Variants in MEIOSIN observed in about 807,000 individuals in gnomAD.
MEIOSIN encodes the protein meiosis initiator protein.
Under a neutral mutation model 23.4 loss-of-function variants are expected in MEIOSIN, and 18 were observed. The ratio of observed to expected loss-of-function variants is 0.77; its 90% CI spans 0.53 to 1.14. The LOEUF (loss-of-function observed/expected upper bound fraction) is 1.14, where lower values mean the gene tolerates loss of function less well. Ranked by LOEUF, MEIOSIN falls within the 50% of genes most tolerant of loss-of-function variation. The pLI, the probability that MEIOSIN is intolerant of heterozygous loss-of-function variation, is 0.00. For synonymous variants in MEIOSIN, 187 were observed against 100.6 expected, an observed-to-expected ratio of 1.86 and a Z score of -5.14; for missense variants, 428 against 242.9, an observed-to-expected ratio of 1.76 and a Z score of -5.07.
rs1036159971 is a variant in MEIOSIN at position 45,750,601 on chromosome 19, C to T, written c.307-74C>T. ...GTCTCGAACTCCTGACCTCATGATC[C>T]GCCCACCTCGGCTTCTCAAAGTGCT... On this transcript the variant is annotated intron_variant, in intron 4 of 14. Transcript: ENST00000457052. The T allele has an allele frequency of 3.6e-5, 15 of 420,282 alleles. No homozygotes were observed. The South Asian group carries it at 4.0e-4, about 11-fold the overall frequency. The allele number at this position is 420,282 out of a possible 1,614,324, so 26.0% of individuals were successfully genotyped here. A position where few individuals can be genotyped will look rare whatever the true frequency, so the allele number is the denominator to read the frequency against.
At chr19:45,754,294 G>A (rs371568429) in intron 6 of MEIOSIN, among the ~76,000 whole-genome samples, 185 bp from the exon 7 acceptor site, 2 of 152,246 alleles carry the variant, frequency 1.3e-5, no homozygotes, top group African/African-American at 4.8e-5. Flanking sequence ...TTTAAAGGTC[G>A]CAAGATGATT....
intron 3 of MEIOSIN, among the ~76,000 whole-genome samples, chr19:45,742,214 C>T (rs1263636031): frequency 6.6e-6 from 1 of 151,946 alleles, no homozygotes; most frequent in Admixed American, 6.6e-5. Context: ...ACTATGTTGC[C>T]CAGGCTGGAC....
intron 2 of MEIOSIN, among the ~76,000 whole-genome samples, chr19:45,737,615 G>A (rs117095098): frequency 4.0e-5 from 6 of 150,664 alleles, no homozygotes; most frequent in Admixed American, 6.7e-5. Context: ...ACAGGCACAC[G>A]CCACTATGCC....
chr19:45,750,650 C>T, intron 4 of MEIOSIN, 25 bp from the exon 5 acceptor site: 1 of 534,442 alleles, frequency 1.9e-6, no homozygotes, highest in Non-Finnish European at 3.3e-6. Context: ...TGAGCCTGGC[C>T]AACCCTGTCT....
At chr19:45,757,057 C>A in intron 8 of MEIOSIN, 120 bp from the exon 9 acceptor site, 1 of 603,770 alleles carries the variant, frequency 1.7e-6, no homozygotes, top group Non-Finnish European at 3.0e-6. Context: ...GGAGCCTCGA[C>A]TGACTGAGCT....
chr19:45,760,064 G>A (rs1316992235), intron 11 of MEIOSIN, among the ~76,000 whole-genome samples: 1 of 152,004 alleles, frequency 6.6e-6, no homozygotes, highest in Admixed American at 6.5e-5. Context: ...GCCTCCTAGA[G>A]TGCTGGGATT....
At position 45,764,124 on chromosome 19, in the gene MEIOSIN, C is replaced by T. The variant is rs1264224968; in HGVS notation, c.*6C>T. On this transcript the variant is annotated 3_prime_UTR_variant, in exon 15 of 15. Transcript: ENST00000457052. The stretch of plus-strand genomic sequence containing the variant: ...TGCCCCCGCACCTCCAGTGAGAGGG[C>T]GGCCCCTCGCCTCGCTCCCCTCACC... The T allele has an allele frequency of 1.0e-5, 4 of 398,516 alleles. No individual in the cohort carries two copies. Among genetic ancestry groups the T allele is most frequent in the African/African-American group, 2.1e-5 (1 of 48,650 alleles). The allele number at this position is 398,516 out of a possible 1,614,324, so 24.7% of individuals were successfully genotyped here. A position where few individuals can be genotyped will look rare whatever the true frequency, so the allele number is the denominator to read the frequency against.
intron 13 of MEIOSIN, 75 bp from the exon 14 acceptor site, chr19:45,763,263 G>A (rs1255246571): frequency 1.5e-5 from 6 of 398,032 alleles, no homozygotes; most frequent in Non-Finnish European, 2.7e-5. Flanking sequence ...AGACCCACAA[G>A]GCTAGGAAGG....
At chr19:45,735,740 G>A (rs1039170361) in intron 2 of MEIOSIN, among the ~76,000 whole-genome samples, 2 of 151,878 alleles carry the variant, frequency 1.3e-5, no homozygotes, top group African/African-American at 4.8e-5. Context: ...GCAGTGTTGC[G>A]ATCCCAGCTC....
intron 2 of MEIOSIN, among the ~76,000 whole-genome samples, chr19:45,735,799 C>T (rs1476342992): frequency 1.3e-5 from 2 of 152,242 alleles, no homozygotes; most frequent in South Asian, 2.1e-4. Flanking sequence ...GCCTCAGCCT[C>T]CCCAGTAGCT....
chr19:45,761,068 C>T (rs1968930313), intron 11 of MEIOSIN, among the ~76,000 whole-genome samples: 1 of 151,790 alleles, frequency 6.6e-6, no homozygotes, highest in African/African-American at 2.4e-5. Flanking sequence ...AAATGACCCT[C>T]CCACACCACC....
intron 4 of MEIOSIN, among the ~76,000 whole-genome samples, chr19:45,747,466 A>C (rs1968615351): frequency 6.6e-6 from 1 of 152,116 alleles, no homozygotes. Flanking sequence ...GTATCACTGC[A>C]ATTACTTCCT....
chr19:45,754,374 G>C, intron 6 of MEIOSIN, 105 bp from the exon 7 acceptor site: 2 of 615,642 alleles, frequency 3.2e-6, no homozygotes, highest in Non-Finnish European at 5.8e-6. Flanking sequence ...TACCAGGCCA[G>C]GCATAGCTTT....
chr19:45,751,229 G>A (rs995158168), intron 5 of MEIOSIN, among the ~76,000 whole-genome samples: 9 of 150,570 alleles, frequency 6.0e-5, no homozygotes, highest in Admixed American at 2.0e-4. Context: ...CCGAGATCAC[G>A]CCACTGCACC....
At chr19:45,735,261 G>A in intron 1 of MEIOSIN, 116 bp from the exon 2 acceptor site, 2 of 619,842 alleles carry the variant, frequency 3.2e-6, no homozygotes, top group Admixed American at 2.5e-5. Flanking sequence ...CTTATTTTGG[G>A]ATCTCTGGGT....
In MEIOSIN at chr19:45,763,436, C is replaced by A. The variant is rs1283203773; in HGVS notation, c.1769+9C>A. 5.0e-6 allele frequency: 2 copies of A among 398,576 alleles called. No homozygotes were observed. The highest frequency in any genetic ancestry group is 8.8e-6 in the Non-Finnish European group (2 of 226,134). 24.7% of individuals were successfully genotyped at this position (398,576 alleles called of 1,614,324 possible). A position where few individuals can be genotyped will look rare whatever the true frequency, so the allele number is the denominator to read the frequency against. On this transcript the variant is annotated intron_variant, in intron 14 of 14. Transcript: ENST00000457052. Reference sequence around the variant, plus strand: ...GAGCGGAGGCCATACTGGTGAGAGGCTCCGGCCCCGAGGTGTGGGTGGGGG... The same window carrying A: ...GAGCGGAGGCCATACTGGTGAGAGGATCCGGCCCCGAGGTGTGGGTGGGGG...
At chr19:45,736,461 C>CT (rs1202851191) in intron 2 of MEIOSIN, among the ~76,000 whole-genome samples, 1 of 152,140 alleles carries the variant, frequency 6.6e-6, no homozygotes, top group Non-Finnish European at 1.5e-5. Flanking sequence ...CTCCCAGGCT[C>CT]AAGCGATTCT....
chr19:45,738,391 G>T (rs949729701), intron 2 of MEIOSIN, among the ~76,000 whole-genome samples: 5 of 152,236 alleles, frequency 3.3e-5, no homozygotes, highest in African/African-American at 1.2e-4. Context: ...GCCAAGGTGG[G>T]CTGATCACTT....
rs1211308686 is a variant in MEIOSIN, at chr19:45,758,887, T to C, written c.1022T>C (p.Leu341Pro). 2.8e-6 allele frequency: 2 copies of C among 703,104 alleles called. No homozygotes were observed. Among genetic ancestry groups the C allele is most frequent in the East Asian group, 2.7e-5 (1 of 37,294 alleles). The allele number at this position is 703,104 out of a possible 1,614,324, so 43.6% of individuals were successfully genotyped here. The change falls in exon 10 of 15, where the codon CTG becomes CCG. Residue 341 changes from leucine to proline, a missense_variant. Leu to Pro is a moderately conservative substitution (Grantham distance 98). Transcript: ENST00000457052. ...TPENSPQGSPLFLGPPQIDVW... is the reference protein window; with the variant it reads ...TPENSPQGSPPFLGPPQIDVW... ...GCTGTTCCCTTTCCAGGGAGCCCAC[T>C]GTTCCTGGGGCCTCCCCAGATTGAT... is the stretch of plus-strand genomic sequence containing the variant.
Sources: allele counts gnomAD v4.1 joint callset (sites outside exome capture counted in the v4.1 genomes callset), GRCh38; gene constraint gnomAD v4.1.1; transcripts MANE v1.5; gene names NCBI Gene and HGNC (gene_info 2026-07-23, HGNC 2026-07-21).